The following RAP1GDS1 variants were observed in gnomAD, a reference collection of about 807,000 sequenced individuals.
RAP1GDS1 encodes RAP1, GTP-GDP dissociation stimulator 1.
A neutral mutation model predicts 71.1 loss-of-function variants in RAP1GDS1; 35 were observed. The ratio of observed to expected loss-of-function variants is 0.49; its 90% CI spans 0.38 to 0.65. The LOEUF is 0.65. Ranked by LOEUF, RAP1GDS1 falls within the 30% of genes least tolerant of loss-of-function variation. The pLI, the probability that RAP1GDS1 is intolerant of heterozygous loss-of-function variation, is 0.00. For missense variants in RAP1GDS1, 663 were observed against 706.1 expected, an observed-to-expected ratio of 0.94 and a Z score of 0.69; for synonymous variants, 229 against 243.1, an observed-to-expected ratio of 0.94 and a Z score of 0.54.
chr4:98,399,438 C>T (rs1356245705), intron 6 of RAP1GDS1, among the ~76,000 whole-genome samples: 1 of 152,110 alleles, frequency 6.6e-6, no homozygotes, highest in Non-Finnish European at 1.5e-5. Flanking sequence ...GGACTACAGG[C>T]GTGCACCATC....
At chr4:98,267,654 A>G (rs1722883577) in intron 1 of RAP1GDS1, among the ~76,000 whole-genome samples, 1 of 152,188 alleles carries the variant, frequency 6.6e-6, no homozygotes, top group Non-Finnish European at 1.5e-5. Flanking sequence ...AGCTCCATCC[A>G]TGTTGCTGCA....
chr4:98,412,987 G>A (rs1313547572), intron 7 of RAP1GDS1, among the ~76,000 whole-genome samples: 3 of 152,090 alleles, frequency 2.0e-5, no homozygotes, highest in East Asian at 1.9e-4. Context: ...GGCTGTGCAC[G>A]TATTATCTTG....
At chr4:98,329,770 C>G (rs1054661988) in intron 2 of RAP1GDS1, among the ~76,000 whole-genome samples, 2 of 120,144 alleles carry the variant, frequency 1.7e-5, no homozygotes, top group Non-Finnish European at 3.2e-5. Context: ...GCCCGGGTGA[C>G]AGTGTGAGAC....
chr4:98,339,145 A>G lies in RAP1GDS1; in HGVS notation c.113-3994A>G, dbSNP rs560713456. Among the ~76,000 whole-genome samples the G allele has an allele frequency of 9.2e-5, 14 of 152,148 alleles. No homozygotes were observed. In the South Asian group the frequency reaches 2.9e-3, roughly 32 times the overall value. ...CAAGTTTCTCTGGCCTGATTGCCCA[A>G]TTTTCCTTTTCTTTCCTATATCTGG... On this transcript the variant is annotated intron_variant, in intron 2 of 14. Transcript: ENST00000408927.
chr4:98,280,023 G>A (rs1026131003), intron 1 of RAP1GDS1, among the ~76,000 whole-genome samples: 2 of 152,246 alleles, frequency 1.3e-5, no homozygotes, highest in East Asian at 1.9e-4. Context: ...GGACATTTGG[G>A]TTCGTTCCCA....
At chr4:98,286,497 GATC>G (rs1278541429) in intron 1 of RAP1GDS1, among the ~76,000 whole-genome samples, 6 of 152,092 alleles carry the variant, frequency 3.9e-5, no homozygotes, top group Non-Finnish European at 8.8e-5. Flanking sequence ...TAGTTGTGAA[GATC>G]ATCTGTCAGA....
chr4:98,296,655 T>C lies in RAP1GDS1; in HGVS notation c.112+3140T>C, dbSNP rs1252838625. On this transcript the variant is annotated intron_variant, in intron 2 of 14. Transcript: ENST00000408927. ...AGCTTCTGTTTATTTTGGTCTCTTTTGATTCAGATTATAGTTAGAAGATTC... is the reference window on the plus strand; with the variant it reads ...AGCTTCTGTTTATTTTGGTCTCTTTCGATTCAGATTATAGTTAGAAGATTC... Among the ~76,000 whole-genome samples the C allele has an allele frequency of 3.3e-5, 5 of 152,162 alleles. No homozygotes were observed. The East Asian group carries it at 9.6e-4, about 29-fold the overall frequency.
chr4:98,364,750 G>C (rs1739229763), intron 4 of RAP1GDS1, among the ~76,000 whole-genome samples: 1 of 152,036 alleles, frequency 6.6e-6, no homozygotes, highest in African/African-American at 2.4e-5. Context: ...GTGAGGGCTG[G>C]GTGCAGTGGC....
intron 6 of RAP1GDS1, among the ~76,000 whole-genome samples, chr4:98,399,820 T>C (rs1578738847): frequency 6.6e-6 from 1 of 152,214 alleles, no homozygotes; most frequent in Admixed American, 6.5e-5. Context: ...GAACTCACAC[T>C]GGGAGTGTCA....
intron 6 of RAP1GDS1, among the ~76,000 whole-genome samples, chr4:98,392,512 C>T (rs979738494): frequency 6.6e-6 from 1 of 152,048 alleles, no homozygotes; most frequent in Non-Finnish European, 1.5e-5. Flanking sequence ...CTCAGGAATT[C>T]GAGACCAGTC....
intron 7 of RAP1GDS1, among the ~76,000 whole-genome samples, chr4:98,406,291 A>G (rs1230698667): frequency 2.0e-5 from 3 of 152,036 alleles, no homozygotes; most frequent in Admixed American, 6.6e-5. Flanking sequence ...ATAAATAACT[A>G]TACTACTTAA....
intron 4 of RAP1GDS1, among the ~76,000 whole-genome samples, chr4:98,372,171 GT>G (rs1375991842): frequency 6.6e-6 from 1 of 151,164 alleles, no homozygotes; most frequent in Non-Finnish European, 1.5e-5. Flanking sequence ...TTTTTTTATT[GT>G]TTGTTTTTGA....
At chr4:98,421,499 T>C (rs938667830) in intron 12 of RAP1GDS1, 105 bp downstream of exon 12, 60 of 1,216,230 alleles carry the variant, frequency 4.9e-5, no homozygotes, top group Non-Finnish European at 6.5e-5. Context: ...CTGAAAGTAT[T>C]GTGAAGATTC....
intron 12 of RAP1GDS1, among the ~76,000 whole-genome samples, chr4:98,426,896 A>C (rs1578849520): frequency 6.6e-6 from 1 of 152,090 alleles, no homozygotes; most frequent in Admixed American, 6.6e-5. Context: ...TAATACCAAA[A>C]CCAGGAAAGG....
chr4:98,319,945 CT>C (rs1731545180), intron 2 of RAP1GDS1, among the ~76,000 whole-genome samples: 1 of 152,136 alleles, frequency 6.6e-6, no homozygotes, highest in Non-Finnish European at 1.5e-5. Context: ...CCAAACCCTC[CT>C]CTTCATCTTC....
intron 2 of RAP1GDS1, among the ~76,000 whole-genome samples, chr4:98,315,037 A>T (rs924268442): frequency 3.3e-5 from 5 of 152,184 alleles, no homozygotes; most frequent in Admixed American, 6.5e-5. Flanking sequence ...CTGTAGTTTC[A>T]GCTGGTAGTG....
chr4:98,348,193 C>T lies in RAP1GDS1; in HGVS notation c.236-4283C>T, dbSNP rs548520093. Among the ~76,000 whole-genome samples, 28 of 152,068 alleles carry T rather than the reference C, an allele frequency of 1.8e-4. No homozygotes were observed. The South Asian group carries it at 2.3e-3, about 12-fold the overall frequency. ...TAGTGTTCTCATTATTCAATTCCCA[C>T]CTGTGAGTGAGAACATGTGGTGTTT... On this transcript the variant is annotated intron_variant, in intron 3 of 14. Coordinates refer to ENST00000408927, the MANE Select transcript of RAP1GDS1 (RefSeq NM_001100427.2).
intron 2 of RAP1GDS1, among the ~76,000 whole-genome samples, chr4:98,323,786 G>T (rs1306773672): frequency 6.6e-6 from 1 of 151,490 alleles, no homozygotes; most frequent in Admixed American, 6.6e-5. Flanking sequence ...AATAATAAGA[G>T]CTATCTATGA....
rs550633490 is a variant in RAP1GDS1, at chr4:98,328,591, T to C, written c.113-14548T>C. 1.1e-3 allele frequency among the ~76,000 whole-genome samples: 174 copies of C among 152,348 alleles called. 1 individual carries two copies. In the South Asian group the frequency reaches 0.018, roughly 16 times the overall value. ...CTAGTCTACAGGTAGATAAGAACTA[T>C]TTTAAAACAATGCACAGAGCTACAA... On this transcript the variant is annotated intron_variant, in intron 2 of 14. Coordinates refer to ENST00000408927, the MANE Select transcript of RAP1GDS1 (RefSeq NM_001100427.2).
Sources: allele counts gnomAD v4.1 joint callset (sites outside exome capture counted in the v4.1 genomes callset), GRCh38; gene constraint gnomAD v4.1.1; transcripts MANE v1.5; gene names NCBI Gene and HGNC (gene_info 2026-07-23, HGNC 2026-07-21).